The following ZNF611 variants were observed in gnomAD, a reference collection of about 807,000 sequenced individuals.
ZNF611 encodes the protein zinc finger protein 611.
A neutral mutation model predicts 8.9 loss-of-function variants in ZNF611; 6 were observed. The ratio of observed to expected loss-of-function variants is 0.68; its 90% CI spans 0.37 to 1.34. The LOEUF is 1.34. Ranked by LOEUF, ZNF611 falls within the 40% of genes most tolerant of loss-of-function variation. ZNF611 has a pLI of 0.02. For synonymous variants in ZNF611, 262 were observed against 279.7 expected (o/e 0.94, Z 0.63); for missense variants, 874 against 841.3 (o/e 1.04, Z -0.48).
chr19:52,724,186 G>C (rs1400111975), intron 3 of ZNF611: 1 of 152,294 alleles, frequency 6.6e-6, no homozygotes, highest in East Asian at 1.9e-4. Flanking sequence ...CATATCTCAG[G>C]CTGTCTCAGT....
At chr19:52,714,272 T>C in intron 4 of ZNF611, 131 bp from the exon 5 acceptor site, 1 of 1,480,464 alleles carries the variant, frequency 6.8e-7, no homozygotes, top group Non-Finnish European at 8.9e-7. Flanking sequence ...TGTTAAGGTA[T>C]TTTTGAATAT....
intron 1 of ZNF611, among the ~76,000 whole-genome samples, chr19:52,730,935 TTTTG>T (rs749050847): frequency 1.4e-4 from 22 of 152,126 alleles, no homozygotes; most frequent in South Asian, 8.3e-4. Flanking sequence ...TGTTATTTCT[TTTTG>T]TTTGTTTGTT....
chr19:52,709,101 A>G (rs2062263520), intron 5 of ZNF611, among the ~76,000 whole-genome samples: 1 of 152,142 alleles, frequency 6.6e-6, no homozygotes, highest in African/African-American at 2.4e-5. Context: ...CCTGGCCCGA[A>G]TGTTCGCATT....
chr19:52,705,904 G>A lies in ZNF611; in HGVS notation c.1151C>T (p.Thr384Ile). ...ECDKVFSRKS[T>I]IETHKRIHTG... ...ATGAATTCTCTTATGTGTCTCAATG[G>A]TTGATTTCCGACTGAAAACTTTGTC... Residue 384 changes from threonine (T) to isoleucine (I), a missense_variant, in exon 6 of 6, where the codon ACC (threonine) becomes ATC (isoleucine). By Grantham distance (89) the Thr-to-Ile change is moderately conservative. Transcript: ENST00000652185. The A allele has an allele frequency of 1.2e-6, 2 of 1,614,032 alleles. No individual in the cohort carries two copies. Among genetic ancestry groups the A allele is most frequent in the Non-Finnish European group, 1.7e-6 (2 of 1,180,012 alleles).
In ZNF611 at chr19:52,704,673, A is replaced by G; in HGVS notation, c.*264T>C. 5 of 1,595,092 alleles carry G rather than the reference A, an allele frequency of 3.1e-6. No individual in the cohort carries two copies. In the South Asian group the frequency reaches 5.5e-5, roughly 18 times the overall value. On this transcript the variant is annotated 3_prime_UTR_variant, in exon 6 of 6. Coordinates refer to ENST00000652185, the MANE Select transcript of ZNF611 (RefSeq NM_001161499.2). ...TTGTAGCATTACTGAAGACTTTGTG[A>G]CAATCATTACATTAGTCAAGTTTCC...
chr19:52,708,366 CTGG>C (rs1301071537), intron 5 of ZNF611: 1 of 152,162 alleles, frequency 6.6e-6, no homozygotes, highest in African/African-American at 2.4e-5. Context: ...GGCATGATGG[CTGG>C]TGCCTGTAGT....
chr19:52,712,927 C>T (rs2062290625), intron 5 of ZNF611, among the ~76,000 whole-genome samples: 1 of 152,210 alleles, frequency 6.6e-6, no homozygotes, highest in South Asian at 2.1e-4. Flanking sequence ...GGGGCTGTGG[C>T]TCATGCCTGT....
In ZNF611 at chr19:52,715,982, G is replaced by A. The variant is rs1002072278; in HGVS notation, c.-19-69C>T. 8.8e-5 allele frequency: 138 copies of A among 1,562,080 alleles called. 1 individual carries two copies. The African/African-American group carries it at 1.1e-3, about 13-fold the overall frequency. On this transcript the variant is annotated intron_variant, in intron 3 of 5. Transcript: ENST00000652185. The stretch of plus-strand genomic sequence containing the variant: ...CTCCCTTCCTGTGACAAAAACACAC[G>A]AACGGGGGAGACGTCACCCTGTAGA...
chr19:52,728,597 T>C (rs889034904), intron 3 of ZNF611, 133 bp downstream of exon 3: 17 of 152,040 alleles, frequency 1.1e-4, no homozygotes, highest in African/African-American at 4.1e-4. Flanking sequence ...GAAAATGCAT[T>C]TGCAAATTTT....
chr19:52,720,916 C>T (rs1424758724), intron 3 of ZNF611: 1 of 150,316 alleles, frequency 6.7e-6, no homozygotes, highest in African/African-American at 2.7e-5. Flanking sequence ...GGCAGAGGCG[C>T]TCCTCACATC....
At chr19:52,730,584 T>C (rs2062420352) in intron 1 of ZNF611, among the ~76,000 whole-genome samples, 1 of 151,870 alleles carries the variant, frequency 6.6e-6, no homozygotes, top group African/African-American at 2.4e-5. Flanking sequence ...TTATTATTTA[T>C]TTATTTGTTT....
At chr19:52,728,224 T>A (rs532253612) in intron 3 of ZNF611, among the ~76,000 whole-genome samples, 1 of 151,252 alleles carries the variant, frequency 6.6e-6, no homozygotes, top group South Asian at 2.1e-4. Flanking sequence ...CCTGTCAAAG[T>A]GAGCTCCCAA....
Position 52,704,443 on chromosome 19 carries a change from TTCTCTCCTG to T in ZNF611, c.*485_*493del. 2.7e-6 allele frequency: 2 copies of T among 730,470 alleles called. No individual in the cohort carries two copies. Among genetic ancestry groups the T allele is most frequent in the Non-Finnish European group, 5.0e-6 (2 of 400,036 alleles). 45.2% of individuals were successfully genotyped at this position (730,470 alleles called of 1,614,324 possible). ...GCCACAATCATCACACTTGTGAGGT[TTCTCTCCTG>T]TATAAATTCTCCTATGTTTTGCATA... On this transcript the variant is annotated 3_prime_UTR_variant, in exon 6 of 6. Transcript: ENST00000652185.
At chr19:52,724,126 T>C (rs553310692) in intron 3 of ZNF611, 1 of 152,312 alleles carries the variant, frequency 6.6e-6, no homozygotes, top group African/African-American at 2.4e-5. Context: ...CACAGACCCT[T>C]TACGGGTGTC....
At chr19:52,710,226 A>ATTT (rs574509484) in intron 5 of ZNF611, among the ~76,000 whole-genome samples, 1 of 132,550 alleles carries the variant, frequency 7.5e-6, no homozygotes. Context: ...TGCCTGGCTA[A>ATTT]TTTTTTTTTT....
At chr19:52,720,162 C>T (rs180839383) in intron 3 of ZNF611, among the ~76,000 whole-genome samples, 1 of 152,332 alleles carries the variant, frequency 6.6e-6, no homozygotes, top group East Asian at 1.9e-4. Context: ...TCTCCTATGT[C>T]TACTTCTTTC....
At chr19:52,723,281 A>C (rs1381877592) in intron 3 of ZNF611, 1 of 86,880 alleles carries the variant, frequency 1.2e-5, no homozygotes, top group Non-Finnish European at 2.2e-5. Context: ...TTTGAGACGG[A>C]GTTTCCATCT....
Position 52,732,319 on chromosome 19 carries a change from A to G in ZNF611, c.-221-2314T>C, listed in dbSNP as rs62117393. ...AACTCACAGTATTGAGTTATTCTGA[A>G]TAACTCACAGTATTGAGTTATTCTG... On this transcript the variant is annotated intron_variant, in intron 1 of 5. Transcript: ENST00000652185. Among the ~76,000 whole-genome samples the G allele has an allele frequency of 6.3e-3, 382 of 60,648 alleles. 1 individual carries two copies. The highest frequency in any genetic ancestry group is 0.01 in the Non-Finnish European group (264 of 25,508). 39.8% of individuals were successfully genotyped at this position (60,648 alleles called of 152,430 possible). A position where few individuals can be genotyped will look rare whatever the true frequency, so the allele number is the denominator to read the frequency against.
chr19:52,708,277 C>G (rs148467957), intron 5 of ZNF611: 1 of 152,108 alleles, frequency 6.6e-6, no homozygotes, highest in Non-Finnish European at 1.5e-5. Context: ...AGACGGATCA[C>G]GAGGTCAGGA....
Sources: allele counts gnomAD v4.1 joint callset (sites outside exome capture counted in the v4.1 genomes callset), GRCh38; gene constraint gnomAD v4.1.1; transcripts MANE v1.5; gene names NCBI Gene and HGNC (gene_info 2026-07-23, HGNC 2026-07-21).